The following CDK14 variants were observed in gnomAD, a reference collection of about 807,000 sequenced individuals.
CDK14 encodes cyclin-dependent kinase 14.
In CDK14, 34 loss-of-function variants were observed where a neutral mutation model predicts 60.7. The observed-to-expected ratio is 0.56, with a 90% CI of 0.43 to 0.75. The LOEUF is 0.75. CDK14 is among the 30% of genes least tolerant of loss of function. CDK14 has a pLI of 0.00. For missense variants in CDK14, 482 were observed against 564.1 expected (o/e 0.85, Z 1.47); for synonymous variants, 197 against 203.7 (o/e 0.97, Z 0.28).
At chr7:90,811,490 G>A (rs1170369182) in intron 5 of CDK14, among the ~76,000 whole-genome samples, 5 of 152,148 alleles carry the variant, frequency 3.3e-5, no homozygotes, top group Admixed American at 2.0e-4. Context: ...AGACTTAAAC[G>A]TTAGACCTCA....
chr7:90,898,487 A>G (rs1792404418), intron 6 of CDK14, among the ~76,000 whole-genome samples: 2 of 152,188 alleles, frequency 1.3e-5, no homozygotes, highest in South Asian at 4.2e-4. Context: ...GCTCATGTTC[A>G]TTGGCTTTTA....
intron 10 of CDK14, among the ~76,000 whole-genome samples, chr7:91,028,310 C>A (rs2115920280): frequency 6.6e-6 from 1 of 152,106 alleles, no homozygotes; most frequent in African/African-American, 2.4e-5. Context: ...CCCACATTTT[C>A]TTTTTCTGCT....
chr7:90,953,407 C>G (rs1794318573), intron 8 of CDK14, among the ~76,000 whole-genome samples: 1 of 152,108 alleles, frequency 6.6e-6, no homozygotes, highest in South Asian at 2.1e-4. Context: ...TTGGAGTAGT[C>G]TTTGGCCTAA....
intron 4 of CDK14, among the ~76,000 whole-genome samples, chr7:90,787,606 C>T (rs746134477): frequency 2.0e-5 from 3 of 152,054 alleles, no homozygotes; most frequent in Admixed American, 1.3e-4. Context: ...CTACTCTGTG[C>T]CAAGAAGGTC....
chr7:91,109,333 T>G (rs773457980), intron 12 of CDK14, among the ~76,000 whole-genome samples: 3 of 152,186 alleles, frequency 2.0e-5, no homozygotes, highest in Non-Finnish European at 2.9e-5. Flanking sequence ...GTTTCCAGTT[T>G]TGTGGGACAA....
At chr7:90,961,642 C>CT (rs1332777777) in intron 9 of CDK14, among the ~76,000 whole-genome samples, 1 of 152,218 alleles carries the variant, frequency 6.6e-6, no homozygotes, top group Non-Finnish European at 1.5e-5. Context: ...TGTAACACCT[C>CT]TTTAAGAGTT....
In CDK14 at chr7:90,718,130, A is replaced by G. The variant is rs111872268; in HGVS notation, c.124-8437A>G. On this transcript the variant is annotated intron_variant, in intron 2 of 14. Transcript: ENST00000380050. Reference sequence around the variant, plus strand: ...GGACTAGCATTTAGTACACAGAACCATGGTTGCCAGATGCTCTACAACGTG... The same window carrying G: ...GGACTAGCATTTAGTACACAGAACCGTGGTTGCCAGATGCTCTACAACGTG... Among the ~76,000 whole-genome samples the G allele has an allele frequency of 9.3e-3, 1,411 of 152,194 alleles. 29 individuals carry two copies. The highest frequency in any genetic ancestry group is 0.033 in the African/African-American group (1,350 of 41,538).
At chr7:91,196,535 A>C (rs1009166858) in intron 14 of CDK14, among the ~76,000 whole-genome samples, 2 of 152,234 alleles carry the variant, frequency 1.3e-5, no homozygotes, top group African/African-American at 4.8e-5. Flanking sequence ...TATTTCTGGC[A>C]GTGATTCAGG....
At chr7:90,723,885 G>T (rs192129747) in intron 2 of CDK14, among the ~76,000 whole-genome samples, 152 of 152,276 alleles carry the variant, frequency 1.0e-3, no homozygotes, top group African/African-American at 3.4e-3. Context: ...GAGAGAGATT[G>T]ATCTGTAGTT....
At chr7:90,962,196 C>T (rs904176225) in intron 9 of CDK14, among the ~76,000 whole-genome samples, 17 of 101,436 alleles carry the variant, frequency 1.7e-4, no homozygotes, top group Non-Finnish European at 3.1e-4. Flanking sequence ...TGTCAAAAAT[C>T]TAGTGTGGGG....
At chr7:90,708,842 A>G (rs578127606) in intron 2 of CDK14, among the ~76,000 whole-genome samples, 2 of 152,118 alleles carry the variant, frequency 1.3e-5, no homozygotes, top group African/African-American at 2.4e-5. Flanking sequence ...TCTCAGTTGT[A>G]TTGTTGTATC....
At chr7:90,835,156 G>GA (rs1360579457) in intron 5 of CDK14, among the ~76,000 whole-genome samples, 1 of 152,124 alleles carries the variant, frequency 6.6e-6, no homozygotes, top group African/African-American at 2.4e-5. Flanking sequence ...TTGCGAGACA[G>GA]AAACTGACTA....
intron 4 of CDK14, among the ~76,000 whole-genome samples, chr7:90,749,121 A>G (rs1476246194): frequency 6.6e-6 from 1 of 152,206 alleles, no homozygotes; most frequent in Non-Finnish European, 1.5e-5. Context: ...TGAAGTCAAA[A>G]GTAATAGTAT....
chr7:91,067,255 AAGT>A (rs1798009120), intron 11 of CDK14, among the ~76,000 whole-genome samples: 1 of 152,128 alleles, frequency 6.6e-6, no homozygotes, highest in Non-Finnish European at 1.5e-5. Context: ...TTTATGATGG[AAGT>A]AGTTTGTAAA....
At chr7:91,060,675 A>G (rs1457646977) in intron 11 of CDK14, among the ~76,000 whole-genome samples, 1 of 152,140 alleles carries the variant, frequency 6.6e-6, no homozygotes, top group Middle Eastern at 3.2e-3. Context: ...GTTTGGCTGG[A>G]TATGAAATTC....
chr7:91,175,739 A>T (rs1179672446), intron 14 of CDK14, among the ~76,000 whole-genome samples: 40 of 149,614 alleles, frequency 2.7e-4, no homozygotes, highest in African/African-American at 9.5e-4. Flanking sequence ...TAAAGGGATC[A>T]ATTCAACAAG....
intron 3 of CDK14, among the ~76,000 whole-genome samples, chr7:90,732,230 G>T (rs993181855): frequency 1.3e-5 from 2 of 152,152 alleles, no homozygotes; most frequent in Non-Finnish European, 2.9e-5. Context: ...TGGGCTGCTG[G>T]ATTTGGTTTG....
At chr7:90,900,278 A>G (rs1792463005) in intron 7 of CDK14, among the ~76,000 whole-genome samples, 1 of 152,186 alleles carries the variant, frequency 6.6e-6, no homozygotes, top group African/African-American at 2.4e-5. Context: ...AAATAATGGA[A>G]TCAATATAGA....
At chr7:91,043,644 C>G (rs1562880283) in intron 10 of CDK14, among the ~76,000 whole-genome samples, 1 of 152,184 alleles carries the variant, frequency 6.6e-6, no homozygotes, top group Non-Finnish European at 1.5e-5. Context: ...CTCTTCAGCC[C>G]TCTTGCCTGC....
Sources: gnomAD v4.1 joint callset for allele counts (sites outside exome capture counted in the v4.1 genomes callset) on GRCh38, gnomAD v4.1.1 for gene constraint, MANE v1.5 for transcripts, NCBI Gene and HGNC (gene_info 2026-07-23, HGNC 2026-07-21) for gene names.